MRPL19: variants seen among roughly 807,000 people sequenced by gnomAD.
MRPL19 encodes the protein mitochondrial ribosomal protein L19, also known as large ribosomal subunit protein bL19m.
Under a neutral mutation model 34.0 loss-of-function variants are expected in MRPL19, and 31 were observed. The observed-to-expected ratio is 0.91, with a 90% CI of 0.68 to 1.23. The LOEUF (loss-of-function observed/expected upper bound fraction) is 1.23. Ranked by LOEUF, MRPL19 falls within the 50% of genes most tolerant of loss-of-function variation. MRPL19 has a pLI of 0.00. For missense variants in MRPL19, 384 were observed against 367.6 expected (o/e 1.04, Z -0.37); for synonymous variants, 152 against 127.7 (o/e 1.19, Z -1.28).
intron 2 of MRPL19, chr2:75,651,269 C>A (rs1573026747): frequency 2.0e-6 from 1 of 496,600 alleles, no homozygotes. Flanking sequence ...GAAAATGGTT[C>A]AGGGACACGA....
At chr2:75,650,205 T>TG (rs940108024) in intron 2 of MRPL19, among the ~76,000 whole-genome samples, 2 of 152,178 alleles carry the variant, frequency 1.3e-5, no homozygotes, top group Non-Finnish European at 2.9e-5. Flanking sequence ...GGTAAAGACA[T>TG]GAATATTCAT....
At chr2:75,649,180 A>G (rs1678280423) in intron 2 of MRPL19, among the ~76,000 whole-genome samples, 1 of 152,244 alleles carries the variant, frequency 6.6e-6, no homozygotes, top group East Asian at 1.9e-4. Context: ...ATAAAAATAC[A>G]AAGTTGGAAA....
At chr2:75,654,470 T>G (rs1678394384) in intron 4 of MRPL19, among the ~76,000 whole-genome samples, 2 of 152,236 alleles carry the variant, frequency 1.3e-5, no homozygotes, top group South Asian at 4.1e-4. Context: ...ATTGAAGAGA[T>G]ATGTGACTCA....
At position 75,660,774 on chromosome 2, in the gene MRPL19, G is replaced by T. The variant is rs1223088210; in HGVS notation, c.*5489G>T. 1.3e-5 allele frequency: 2 copies of T among 152,160 alleles called. No individual in the cohort carries two copies. Among genetic ancestry groups the T allele is most frequent in the Admixed American group, 6.5e-5 (1 of 15,272 alleles). 9.4% of individuals were successfully genotyped at this position (152,160 alleles called of 1,614,324 possible). On this transcript the variant is annotated 3_prime_UTR_variant, in exon 6 of 6. Transcript: ENST00000393909. Reference sequence around the variant, plus strand: ...AGGCTTGTACTGAGCCTAACAATCAGGCCCAAAAGCGTAGGGTCTTTGCAG... The same window carrying T: ...AGGCTTGTACTGAGCCTAACAATCATGCCCAAAAGCGTAGGGTCTTTGCAG...
At chr2:75,652,032 A>G (rs925988719) in intron 2 of MRPL19, 110 bp from the exon 3 acceptor site, 3 of 591,510 alleles carry the variant, frequency 5.1e-6, no homozygotes, top group African/African-American at 1.9e-5. Flanking sequence ...TATTTAGACA[A>G]TGAAGAATAA....
chr2:75,654,585 T>C (rs1678397212), intron 4 of MRPL19, 151 bp from the exon 5 acceptor site: 1 of 615,582 alleles, frequency 1.6e-6, no homozygotes, highest in African/African-American at 1.9e-5. Flanking sequence ...TTTCTTTCAG[T>C]AATCTTTATC....
At position 75,654,918 on chromosome 2, in the gene MRPL19, G is replaced by T; in HGVS notation, c.657+1G>T. 2 of 1,608,152 alleles carry T rather than the reference G, an allele frequency of 1.2e-6. No individual in the cohort carries two copies. Among genetic ancestry groups the T allele is most frequent in the Non-Finnish European group, 1.7e-6 (2 of 1,177,392 alleles). ...TAACCAAAAAGTTCCTGTTAATGAG[G>T]TATGGGTTATACATTTGAAACTAGA... On this transcript the variant is annotated splice_donor_variant, in intron 5 of 5. Transcript: ENST00000393909. LOFTEE classifies it high-confidence loss of function.
At chr2:75,647,416 T>C in intron 2 of MRPL19, 197 bp downstream of exon 2, 1 of 565,396 alleles carries the variant, frequency 1.8e-6, no homozygotes, top group South Asian at 2.3e-5. Context: ...TTCTTTGCAG[T>C]TTTATTGAGT....
chr2:75,657,827 C>T lies in MRPL19; in HGVS notation c.*2542C>T, dbSNP rs1486294291. On this transcript the variant is annotated 3_prime_UTR_variant, in exon 6 of 6. Coordinates refer to ENST00000393909, the MANE Select transcript of MRPL19 (RefSeq NM_014763.4). The stretch of plus-strand genomic sequence containing the variant: ...TTCCCCAGAAGTAAAGCAAATCTTC[C>T]CCCAGAAATAAAATTAAATGTGCAT... The T allele has an allele frequency of 6.6e-6, 1 of 150,842 alleles. No homozygotes were observed. The highest frequency in any genetic ancestry group is 1.9e-4 in the East Asian group (1 of 5,154). 9.3% of individuals were successfully genotyped at this position (150,842 alleles called of 1,614,324 possible).
intron 4 of MRPL19, among the ~76,000 whole-genome samples, 191 bp downstream of exon 4, chr2:75,652,848 T>G (rs1411584768): frequency 6.6e-6 from 1 of 152,216 alleles, no homozygotes; most frequent in Non-Finnish European, 1.5e-5. Context: ...TGGACTTCTT[T>G]CTCTTGAAGG....
rs200638396 is a variant in MRPL19 at position 75,657,862 on chromosome 2, C to G, written c.*2577C>G. ...AAAATTAAATGTGCATAATCTAAAG[C>G]TTTTTTTTTTTATTGTGGTAGGATA... On this transcript the variant is annotated 3_prime_UTR_variant, in exon 6 of 6. Coordinates refer to ENST00000393909, the MANE Select transcript of MRPL19 (RefSeq NM_014763.4). 2 of 148,926 alleles carry G rather than the reference C, an allele frequency of 1.3e-5. No homozygotes were observed. Among genetic ancestry groups the G allele is most frequent in the Admixed American group, 6.7e-5 (1 of 14,912 alleles). The allele number at this position is 148,926 out of a possible 1,614,324, so 9.2% of individuals were successfully genotyped here. A position where few individuals can be genotyped will look rare whatever the true frequency, so the allele number is the denominator to read the frequency against.
In MRPL19 at chr2:75,654,856, C is replaced by T. The variant is rs776504232; in HGVS notation, c.596C>T (p.Thr199Ile). 1.2e-6 allele frequency: 2 copies of T among 1,613,644 alleles called. No individual in the cohort carries two copies. The highest frequency in any genetic ancestry group is 2.2e-5 in the East Asian group (1 of 44,836). ...YLRDALPEYS[T>I]FDVNMKPVVQ... The stretch of plus-strand genomic sequence containing the variant: ...CGAGATGCCCTTCCTGAATATAGCA[C>T]TTTTGATGTGAATATGAAGCCAGTA... Residue 199 changes from threonine to isoleucine, a missense_variant, in exon 5 of 6, where the codon ACT (threonine) becomes ATT (isoleucine). Physicochemically the swap from Thr to Ile is moderately conservative, Grantham distance 89. Transcript: ENST00000393909.
intron 2 of MRPL19, 175 bp downstream of exon 2, chr2:75,647,394 C>G (rs1192194464): frequency 8.1e-6 from 5 of 614,644 alleles, no homozygotes; most frequent in South Asian, 2.1e-5. Flanking sequence ...TCTCCCCAAG[C>G]CAGCATTGAA....
Position 75,659,415 on chromosome 2 carries a change from T to C in MRPL19, c.*4130T>C, listed in dbSNP as rs1047976230. Among the ~76,000 whole-genome samples, 1 of 152,182 alleles carries C rather than the reference T, an allele frequency of 6.6e-6. No individual in the cohort carries two copies. The highest frequency in any genetic ancestry group is 2.4e-5 in the African/African-American group (1 of 41,442). On this transcript the variant is annotated 3_prime_UTR_variant, in exon 6 of 6. Transcript: ENST00000393909. Reference sequence around the variant, plus strand: ...TAAAAAGTGGAGTTAGAAAACAGTATGATAGTAATACTGACTTTTATATTT... The same window carrying C: ...TAAAAAGTGGAGTTAGAAAACAGTACGATAGTAATACTGACTTTTATATTT...
intron 2 of MRPL19, among the ~76,000 whole-genome samples, chr2:75,650,452 C>T (rs1990144): frequency 0.49 from 75,211 of 151,972 alleles, 19,589 homozygotes; most frequent in South Asian, 0.59. Context: ...GAAATCAAAA[C>T]GGGGACACTA....
At chr2:75,650,720 G>A (rs934056437) in intron 2 of MRPL19, among the ~76,000 whole-genome samples, 6 of 152,092 alleles carry the variant, frequency 3.9e-5, no homozygotes, top group African/African-American at 9.7e-5. Flanking sequence ...TAGGAAGAGC[G>A]GTAAACAGAA....
At position 75,652,134 on chromosome 2, in the gene MRPL19, T is replaced by G. The variant is rs375377486; in HGVS notation, c.222-8T>G. 4.4e-5 allele frequency: 65 copies of G among 1,488,818 alleles called. No homozygotes were observed. Among genetic ancestry groups the G allele is most frequent in the Non-Finnish European group, 5.8e-5 (64 of 1,099,248 alleles). 92.2% of individuals were successfully genotyped at this position (1,488,818 alleles called of 1,614,324 possible). A position where few individuals can be genotyped will look rare whatever the true frequency, so the allele number is the denominator to read the frequency against. Reference sequence around the variant, plus strand: ...TTACTTTTAATTATTTATTTGTATTTTTTACAGGTTCTTGAGTCCTGAATT... The same window carrying G: ...TTACTTTTAATTATTTATTTGTATTGTTTACAGGTTCTTGAGTCCTGAATT... On this transcript the variant is annotated splice_polypyrimidine_tract_variant and splice_region_variant and intron_variant, in intron 2 of 5. Transcript: ENST00000393909.
intron 4 of MRPL19, among the ~76,000 whole-genome samples, chr2:75,653,591 C>G (rs1678375438): frequency 6.6e-6 from 1 of 152,212 alleles, no homozygotes; most frequent in African/African-American, 2.4e-5. Flanking sequence ...TAACCTGCCT[C>G]AACCTTCCCC....
rs1678555453 is a variant in MRPL19, at chr2:75,659,649, AT to A, written c.*4369del. Among the ~76,000 whole-genome samples the A allele has an allele frequency of 1.3e-5, 2 of 152,060 alleles. No homozygotes were observed. The highest frequency in any genetic ancestry group is 4.2e-4 in the South Asian group (2 of 4,818). ...ATGGATAATTTTGCCAGATACATGA[AT>A]TTTTGGTAACAGTATTTTTCTTTCA... On this transcript the variant is annotated 3_prime_UTR_variant, in exon 6 of 6. Transcript: ENST00000393909.
Sources: gnomAD v4.1 joint callset for allele counts (sites outside exome capture counted in the v4.1 genomes callset) on GRCh38, gnomAD v4.1.1 for gene constraint, MANE v1.5 for transcripts, NCBI Gene and HGNC (gene_info 2026-07-23, HGNC 2026-07-21) for gene names.